The following CACNA2D3 variants were observed in gnomAD, a reference collection of about 807,000 sequenced individuals.
CACNA2D3 encodes calcium voltage-gated channel auxiliary subunit alpha2delta 3.
Under a neutral mutation model 160.6 loss-of-function variants are expected in CACNA2D3, and 60 were observed. That is an observed-to-expected ratio of 0.37 (90% CI 0.30 to 0.46). The LOEUF is 0.46. Ranked by LOEUF, CACNA2D3 falls within the 20% of genes least tolerant of loss-of-function variation. The pLI is 1.00. For missense variants in CACNA2D3, 1,205 were observed against 1,365.0 expected (o/e 0.88, Z 1.85); for synonymous variants, 558 against 492.9 (o/e 1.13, Z -1.75).
chr3:54,978,106 G>T (rs114510113), intron 29 of CACNA2D3, among the ~76,000 whole-genome samples: 1 of 152,120 alleles, frequency 6.6e-6, no homozygotes, highest in African/African-American at 2.4e-5. Flanking sequence ...GTTTTAGCCA[G>T]CTTCTTTACT....
intron 17 of CACNA2D3, among the ~76,000 whole-genome samples, chr3:54,861,734 T>C (rs1231322694): frequency 6.6e-6 from 1 of 152,214 alleles, no homozygotes; most frequent in Non-Finnish European, 1.5e-5. Flanking sequence ...ATTTAGAAGA[T>C]AGAAGCAATG....
intron 4 of CACNA2D3, among the ~76,000 whole-genome samples, chr3:54,482,062 T>A (rs1173619849): frequency 6.6e-6 from 1 of 152,180 alleles, no homozygotes; most frequent in Non-Finnish European, 1.5e-5. Flanking sequence ...CTATAACAAC[T>A]CAAATTCCCA....
chr3:54,930,585 C>G (rs1228920927), intron 27 of CACNA2D3, among the ~76,000 whole-genome samples: 5 of 152,186 alleles, frequency 3.3e-5, no homozygotes, highest in Non-Finnish European at 5.9e-5. Flanking sequence ...GGCAGAGAAC[C>G]AAAGGCAGTC....
intron 4 of CACNA2D3, among the ~76,000 whole-genome samples, chr3:54,405,357 C>G (rs1381376278): frequency 1.3e-5 from 2 of 149,218 alleles, no homozygotes; most frequent in African/African-American, 2.5e-5. Flanking sequence ...CAACATGTTA[C>G]TGGCAAAAAG....
intron 11 of CACNA2D3, among the ~76,000 whole-genome samples, chr3:54,743,806 C>G (rs1701698400): frequency 6.6e-6 from 1 of 152,148 alleles, no homozygotes; most frequent in Non-Finnish European, 1.5e-5. Context: ...GCTTCTGAGC[C>G]ATAAAAATCC....
At chr3:54,236,664 A>T (rs1351584172) in intron 2 of CACNA2D3, among the ~76,000 whole-genome samples, 3 of 152,186 alleles carry the variant, frequency 2.0e-5, no homozygotes, top group Non-Finnish European at 4.4e-5. Flanking sequence ...TGCCGGGGTC[A>T]TCGGGTGACT....
intron 31 of CACNA2D3, among the ~76,000 whole-genome samples, chr3:54,995,089 T>C (rs1227158782): frequency 6.6e-6 from 1 of 152,150 alleles, no homozygotes; most frequent in Non-Finnish European, 1.5e-5. Context: ...TTTTCCTGCC[T>C]CTACCTCCTG....
intron 3 of CACNA2D3, among the ~76,000 whole-genome samples, chr3:54,363,152 G>A (rs963902866): frequency 1.4e-4 from 21 of 152,058 alleles, no homozygotes; most frequent in African/African-American, 3.6e-4. Flanking sequence ...CCGAGATTGC[G>A]CCACTGCACT....
intron 27 of CACNA2D3, among the ~76,000 whole-genome samples, chr3:54,938,073 C>G (rs891102659): frequency 1.3e-5 from 2 of 152,198 alleles, no homozygotes; most frequent in Admixed American, 1.3e-4. Context: ...TTCTCAGATC[C>G]TGAGCTTTGA....
chr3:54,809,376 TGGCGCAATCTC>T (rs1703232387), intron 13 of CACNA2D3, among the ~76,000 whole-genome samples: 1 of 126,812 alleles, frequency 7.9e-6, no homozygotes, highest in African/African-American at 3.7e-5. Flanking sequence ...CGGACTGCAG[TGGCGCAATCTC>T]GGCTCACTGC....
At chr3:54,570,397 G>T (rs1386498259) in intron 8 of CACNA2D3, among the ~76,000 whole-genome samples, 2 of 152,112 alleles carry the variant, frequency 1.3e-5, no homozygotes, top group East Asian at 3.9e-4. Context: ...GACATTTTCA[G>T]ATTCTTGGAA....
intron 5 of CACNA2D3, among the ~76,000 whole-genome samples, chr3:54,552,703 A>T (rs1010630158): frequency 6.6e-6 from 1 of 152,194 alleles, no homozygotes; most frequent in African/African-American, 2.4e-5. Context: ...CGCTATCATC[A>T]TCAGCATCAT....
chr3:54,814,468 A>G (rs753533752), intron 13 of CACNA2D3, among the ~76,000 whole-genome samples: 96 of 152,190 alleles, frequency 6.3e-4, no homozygotes, highest in Non-Finnish European at 1.1e-3. Context: ...ATGCTGGGTG[A>G]CAATGTGTTG....
intron 4 of CACNA2D3, among the ~76,000 whole-genome samples, chr3:54,412,610 C>CTCTTTTTTTTTTT (rs1699687085): frequency 8.3e-6 from 1 of 120,618 alleles, no homozygotes; most frequent in African/African-American, 3.0e-5. Context: ...TGGTCTTGTT[C>CTCTTTTTTTTTTT]TTTTTTTTTT....
intron 2 of CACNA2D3, among the ~76,000 whole-genome samples, chr3:54,226,977 C>G (rs1009757740): frequency 5.9e-5 from 9 of 152,112 alleles, no homozygotes; most frequent in African/African-American, 2.2e-4. Context: ...AAGCAAAATT[C>G]AGGGATAGCT....
chr3:54,679,931 T>G (rs1700310653), intron 11 of CACNA2D3, among the ~76,000 whole-genome samples: 1 of 152,274 alleles, frequency 6.6e-6, no homozygotes. Flanking sequence ...GTTTATTGCT[T>G]GAACCAGTGT....
chr3:54,886,855 T>C (rs1699937691), intron 23 of CACNA2D3, among the ~76,000 whole-genome samples: 1 of 151,444 alleles, frequency 6.6e-6, no homozygotes, highest in Non-Finnish European at 1.5e-5. Flanking sequence ...TGCATTACTA[T>C]ATAGAATTCC....
At chr3:55,073,738 A>T (rs1371208739) in intron 36 of CACNA2D3, 39 bp from the exon 37 acceptor site, 2 of 1,560,884 alleles carry the variant, frequency 1.3e-6, no homozygotes, top group Non-Finnish European at 1.8e-6. Context: ...CAGAGTAGAA[A>T]AAAGCAATCC....
At chr3:54,365,110 A>G (rs533877279) in intron 3 of CACNA2D3, among the ~76,000 whole-genome samples, 2 of 152,344 alleles carry the variant, frequency 1.3e-5, no homozygotes, top group South Asian at 2.1e-4. Flanking sequence ...CAATTTACCA[A>G]TTCACTTTGT....
Sources: allele counts gnomAD v4.1 joint callset (sites outside exome capture counted in the v4.1 genomes callset), GRCh38; gene constraint gnomAD v4.1.1; transcripts MANE v1.5; gene names NCBI Gene and HGNC (gene_info 2026-07-23, HGNC 2026-07-21).